FRMPD1: variants seen among roughly 807,000 people sequenced by gnomAD.
FRMPD1 encodes the protein FERM and PDZ domain-containing protein 1.
A neutral mutation model predicts 117.8 loss-of-function variants in FRMPD1; 76 were observed. The ratio of observed to expected loss-of-function variants is 0.65; its 90% CI spans 0.54 to 0.78. The LOEUF is 0.78. Ranked by LOEUF, FRMPD1 falls within the 30% of genes least tolerant of loss-of-function variation. The probability of loss-of-function intolerance (pLI) is 0.00; values close to 1 mark genes in which losing one functional copy is unlikely to be tolerated. For missense variants in FRMPD1, 1,786 were observed against 1,964.5 expected, an observed-to-expected ratio of 0.91 and a Z score of 1.72; for synonymous variants, 783 against 770.4, an observed-to-expected ratio of 1.02 and a Z score of -0.27.
At chr9:37,724,759 C>G (rs566213025) in intron 7 of FRMPD1, among the ~76,000 whole-genome samples, 1 of 152,262 alleles carries the variant, frequency 6.6e-6, no homozygotes, top group African/African-American at 2.4e-5. Context: ...ACAAGTTTCC[C>G]CATATGAGAT....
intron 1 of FRMPD1, among the ~76,000 whole-genome samples, chr9:37,680,693 A>C (rs1821696710): frequency 6.6e-6 from 1 of 152,110 alleles, no homozygotes; most frequent in Non-Finnish European, 1.5e-5. Flanking sequence ...AGGCAGCCAG[A>C]ACTTCTTGAC....
chr9:37,637,969 TTTCTTTC>T, the FRMPD1 span, among the ~76,000 whole-genome samples: 3 of 70,886 alleles, frequency 4.2e-5, no homozygotes, highest in African/African-American at 1.7e-4. Context: ...GTATGCTTTC[TTTCTTTC>T]TTTCTTTCTT....
chr9:37,711,211 C>T (rs1462536750), intron 4 of FRMPD1, 139 bp from the exon 5 acceptor site: 1 of 650,526 alleles, frequency 1.5e-6, no homozygotes, highest in East Asian at 2.7e-5. Context: ...GCCAAAAAAG[C>T]TAAGGCAAAG....
chr9:37,615,407 G>A, the FRMPD1 span, among the ~76,000 whole-genome samples: 11 of 152,116 alleles, frequency 7.2e-5, no homozygotes, highest in African/African-American at 2.7e-4. Flanking sequence ...CACTGCACCG[G>A]TCTATAGCAT....
At chr9:37,678,208 C>A (rs1240119500) in intron 1 of FRMPD1, among the ~76,000 whole-genome samples, 2 of 148,518 alleles carry the variant, frequency 1.3e-5, no homozygotes. Context: ...AGCTTCAAGG[C>A]ATCGATGCTG....
intron 1 of FRMPD1, among the ~76,000 whole-genome samples, chr9:37,681,303 G>A (rs1208648358): frequency 1.3e-5 from 2 of 152,016 alleles, no homozygotes; most frequent in Non-Finnish European, 2.9e-5. Flanking sequence ...GTGAAATGAC[G>A]TGTGAGGTTA....
At chr9:37,651,991 A>G (rs1820689426) in intron 1 of FRMPD1, among the ~76,000 whole-genome samples, 1 of 152,208 alleles carries the variant, frequency 6.6e-6, no homozygotes, top group Non-Finnish European at 1.5e-5. Flanking sequence ...GGAAGTCCCA[A>G]AATAGACATG....
the FRMPD1 span, among the ~76,000 whole-genome samples, chr9:37,639,247 C>T: frequency 1.3e-5 from 2 of 152,068 alleles, no homozygotes; most frequent in African/African-American, 4.8e-5. Context: ...AAAGTGCTTG[C>T]TTTTTATCAC....
the FRMPD1 span, among the ~76,000 whole-genome samples, chr9:37,638,740 G>C: frequency 2.7e-4 from 41 of 152,188 alleles, no homozygotes; most frequent in Admixed American, 5.9e-4. Flanking sequence ...CACTTAGTAA[G>C]ATCTTGAGTG....
At chr9:37,738,162 T>C (rs1233962018) in intron 14 of FRMPD1, among the ~76,000 whole-genome samples, 2 of 152,222 alleles carry the variant, frequency 1.3e-5, no homozygotes, top group East Asian at 3.8e-4. Flanking sequence ...AATTTCAGGC[T>C]ACCACGATAT....
At chr9:37,743,926 G>A (rs75997397) in intron 15 of FRMPD1, among the ~76,000 whole-genome samples, 5 of 150,830 alleles carry the variant, frequency 3.3e-5, no homozygotes, top group Non-Finnish European at 5.9e-5. Context: ...TCGGCCAGGC[G>A]CGGTGGCTCA....
chr9:37,662,647 G>C (rs1208742123), intron 1 of FRMPD1, among the ~76,000 whole-genome samples: 2 of 152,174 alleles, frequency 1.3e-5, no homozygotes, highest in Non-Finnish European at 2.9e-5. Flanking sequence ...ATGAATGATG[G>C]AGACCAGGTC....
At chr9:37,736,617 T>C (rs952370621) in intron 13 of FRMPD1, among the ~76,000 whole-genome samples, 4 of 151,994 alleles carry the variant, frequency 2.6e-5, no homozygotes, top group African/African-American at 9.7e-5. Context: ...CCTCCTTTGA[T>C]TTAATCCCAA....
chr9:37,678,424 C>G (rs1218019148), intron 1 of FRMPD1, among the ~76,000 whole-genome samples: 2 of 151,980 alleles, frequency 1.3e-5, no homozygotes, highest in Non-Finnish European at 2.9e-5. Flanking sequence ...TCACGTCTGG[C>G]TAATTTTTGT....
chr9:37,645,588 G>C, the FRMPD1 span, among the ~76,000 whole-genome samples: 3 of 152,154 alleles, frequency 2.0e-5, no homozygotes, highest in Non-Finnish European at 2.9e-5. Flanking sequence ...GAGGGTGTTG[G>C]GAGACTGATC....
At chr9:37,696,304 T>TTA (rs1822322389) in intron 2 of FRMPD1, among the ~76,000 whole-genome samples, 1 of 151,918 alleles carries the variant, frequency 6.6e-6, no homozygotes, top group African/African-American at 2.4e-5. Flanking sequence ...CGCTTTATAA[T>TTA]TATATATATA....
intron 13 of FRMPD1, among the ~76,000 whole-genome samples, chr9:37,736,339 T>A (rs1351002540): frequency 6.6e-6 from 1 of 151,934 alleles, no homozygotes; most frequent in African/African-American, 2.4e-5. Context: ...ACCAGATTGC[T>A]GCTCAAAAGC....
intron 1 of FRMPD1, among the ~76,000 whole-genome samples, chr9:37,657,265 T>G (rs904470785): frequency 6.6e-6 from 1 of 152,248 alleles, no homozygotes; most frequent in South Asian, 2.1e-4. Flanking sequence ...CCCCTGCCAG[T>G]TGAAACCCCT....
the FRMPD1 span, among the ~76,000 whole-genome samples, chr9:37,604,807 T>G: frequency 6.6e-6 from 1 of 151,838 alleles, no homozygotes; most frequent in Non-Finnish European, 1.5e-5. Context: ...CCAGGGAGAA[T>G]GAAGGGAAGT....
Sources: allele counts gnomAD v4.1 joint callset (sites outside exome capture counted in the v4.1 genomes callset), GRCh38; gene constraint gnomAD v4.1.1; transcripts MANE v1.5; gene names NCBI Gene and HGNC (gene_info 2026-07-23, HGNC 2026-07-21).